The following TSHZ2 variants were observed in gnomAD, a reference collection of about 807,000 sequenced individuals.
The protein encoded by TSHZ2 is teashirt zinc finger homeobox 2, also known as teashirt homolog 2.
A neutral mutation model predicts 74.4 loss-of-function variants in TSHZ2; 21 were observed. The ratio of observed to expected loss-of-function variants is 0.28; its 90% CI spans 0.20 to 0.41. TSHZ2 has a LOEUF of 0.41. Among genes scored for constraint, TSHZ2 ranks in the 10% least tolerant of loss-of-function variants. The probability of loss-of-function intolerance (pLI) is 1.00; values close to 1 mark genes in which losing one functional copy is unlikely to be tolerated. For synonymous variants in TSHZ2, 540 were observed against 515.3 expected, an observed-to-expected ratio of 1.05 and a Z score of -0.65; for missense variants, 1,244 against 1,293.5, an observed-to-expected ratio of 0.96 and a Z score of 0.59.
chr20:53,239,524 AG>A (rs777245071), intron 1 of TSHZ2, among the ~76,000 whole-genome samples: 8 of 152,150 alleles, frequency 5.3e-5, no homozygotes, highest in African/African-American at 9.6e-5. Flanking sequence ...ACCACCTGGG[AG>A]GGGAGGTCAA....
intron 1 of TSHZ2, among the ~76,000 whole-genome samples, chr20:53,130,630 A>AT (rs1555828203): frequency 6.6e-6 from 1 of 152,128 alleles, no homozygotes; most frequent in Non-Finnish European, 1.5e-5. Context: ...TATCTCAAAA[A>AT]ATATATATAT....
chr20:53,293,714 A>AAG lies in TSHZ2; in HGVS notation c.*8+37144_*8+37145insGA, dbSNP rs1555847086. 6.1e-4 allele frequency among the ~76,000 whole-genome samples: 91 copies of AAG among 148,508 alleles called. 2 individuals carry two copies. In the East Asian group the frequency reaches 0.012, roughly 20 times the overall value. On this transcript the variant is annotated intron_variant, in intron 2 of 2. Transcript: ENST00000371497. ...CAACTGGCTCTCAAAAAAAAAAAAA[A>AAG]AAAAGAAAAGAAACAGGTCCTGGCC...
At chr20:53,112,197 G>A (rs1986552949) in intron 1 of TSHZ2, among the ~76,000 whole-genome samples, 1 of 152,204 alleles carries the variant, frequency 6.6e-6, no homozygotes, top group African/African-American at 2.4e-5. Context: ...CCCTGCTTAG[G>A]GAGCAGGGAG....
intron 1 of TSHZ2, among the ~76,000 whole-genome samples, chr20:53,034,648 C>A (rs989645785): frequency 2.0e-5 from 3 of 152,172 alleles, no homozygotes; most frequent in African/African-American, 7.2e-5. Context: ...AAAACAGTTA[C>A]CAATGAGAAG....
intron 1 of TSHZ2, among the ~76,000 whole-genome samples, chr20:52,975,832 G>C (rs1981315139): frequency 6.6e-6 from 1 of 152,106 alleles, no homozygotes; most frequent in Admixed American, 6.6e-5. Context: ...AGCCACTTTG[G>C]GGTTCTGTAG....
intron 1 of TSHZ2, among the ~76,000 whole-genome samples, chr20:53,222,435 A>G (rs1218725385): frequency 3.3e-5 from 5 of 152,212 alleles, no homozygotes; most frequent in Non-Finnish European, 7.3e-5. Flanking sequence ...TATGAATGTC[A>G]CCACCAGCAG....
intron 1 of TSHZ2, among the ~76,000 whole-genome samples, chr20:53,171,643 AAATT>A (rs541595202): frequency 6.7e-6 from 1 of 148,254 alleles, no homozygotes; most frequent in Non-Finnish European, 1.5e-5. Context: ...TTATTACTTT[AAATT>A]AATTGATTCT....
chr20:53,305,659 T>C (rs1978505876), intron 2 of TSHZ2, among the ~76,000 whole-genome samples: 1 of 152,180 alleles, frequency 6.6e-6, no homozygotes, highest in African/African-American at 2.4e-5. Flanking sequence ...TGGCTCTTTC[T>C]GGGCACCACG....
chr20:53,108,607 G>A (rs1010798711), intron 1 of TSHZ2, among the ~76,000 whole-genome samples: 3 of 151,596 alleles, frequency 2.0e-5, no homozygotes, highest in African/African-American at 7.2e-5. Context: ...ACCAAAAAGG[G>A]TTCCATATGG....
At chr20:53,093,988 GT>G (rs10548699) in intron 1 of TSHZ2, among the ~76,000 whole-genome samples, 10,580 of 145,236 alleles carry the variant, frequency 0.073, 420 homozygotes, top group Non-Finnish European at 0.1. Flanking sequence ...TTTTGACTTA[GT>G]TTTTTTTTTT....
At chr20:53,122,288 C>CAAA (rs1314517744) in intron 1 of TSHZ2, among the ~76,000 whole-genome samples, 19 of 65,668 alleles carry the variant, frequency 2.9e-4, no homozygotes, top group Non-Finnish European at 5.9e-4. Context: ...ACCCCATCTA[C>CAAA]AAAAAAAAAA....
At chr20:53,071,637 T>C (rs1222600005) in intron 1 of TSHZ2, among the ~76,000 whole-genome samples, 1 of 152,196 alleles carries the variant, frequency 6.6e-6, no homozygotes, top group Non-Finnish European at 1.5e-5. Flanking sequence ...CTCACGGACC[T>C]ACGTGTTCTT....
At chr20:53,184,620 C>A (rs1452453922) in intron 1 of TSHZ2, among the ~76,000 whole-genome samples, 1 of 152,194 alleles carries the variant, frequency 6.6e-6, no homozygotes, top group African/African-American at 2.4e-5. Flanking sequence ...AAACACAAGA[C>A]TGTAATAGAC....
At chr20:53,372,699 C>T (rs142027292) in intron 2 of TSHZ2, among the ~76,000 whole-genome samples, 4 of 152,270 alleles carry the variant, frequency 2.6e-5, no homozygotes, top group East Asian at 1.9e-4. Flanking sequence ...AACTTCCAAA[C>T]GCCCCCACCA....
In TSHZ2 at chr20:53,371,191, G is replaced by A. The variant is rs560417129; in HGVS notation, c.*8+114620G>A. ...CAAATAAGGTCCCATTCACAGGTAG[G>A]AGGGGTCAGGACTTGAGCCTGTGTT... On this transcript the variant is annotated intron_variant, in intron 2 of 2. Coordinates refer to ENST00000371497, the MANE Select transcript of TSHZ2 (RefSeq NM_173485.6). 3.9e-5 allele frequency among the ~76,000 whole-genome samples: 6 copies of A among 152,294 alleles called. No individual in the cohort carries two copies. The East Asian group carries it at 1.2e-3, about 29-fold the overall frequency.
chr20:53,268,219 T>A (rs1293539597), intron 2 of TSHZ2, among the ~76,000 whole-genome samples: 2 of 152,238 alleles, frequency 1.3e-5, no homozygotes, highest in Non-Finnish European at 2.9e-5. Flanking sequence ...ATACATTATA[T>A]GTTCCATGCA....
intron 2 of TSHZ2, among the ~76,000 whole-genome samples, chr20:53,262,184 AATG>A (rs1305168672): frequency 1.3e-5 from 2 of 152,046 alleles, no homozygotes; most frequent in Non-Finnish European, 2.9e-5. Context: ...AAGAAGTCAT[AATG>A]ATAAACAGTT....
At chr20:53,242,150 A>AT in intron 1 of TSHZ2, among the ~76,000 whole-genome samples, 1 of 152,230 alleles carries the variant, frequency 6.6e-6, no homozygotes, top group East Asian at 1.9e-4. Flanking sequence ...CTATTGACAT[A>AT]TTGAGGCTGT....
intron 1 of TSHZ2, among the ~76,000 whole-genome samples, chr20:53,213,097 G>A (rs2123616660): frequency 6.6e-6 from 1 of 152,234 alleles, no homozygotes; most frequent in South Asian, 2.1e-4. Context: ...TTAATAGTAT[G>A]GAGGGTTAAG....
Sources: allele counts gnomAD v4.1 joint callset (sites outside exome capture counted in the v4.1 genomes callset), GRCh38; gene constraint gnomAD v4.1.1; transcripts MANE v1.5; gene names NCBI Gene and HGNC (gene_info 2026-07-23, HGNC 2026-07-21).